SCYL3: variants seen among roughly 807,000 people sequenced by gnomAD.
The protein encoded by SCYL3 is SCY1 like pseudokinase 3.
SCYL3 carries 35 observed loss-of-function variants against 73.8 expected under a neutral mutation model. The ratio of observed to expected loss-of-function variants is 0.47; its 90% CI spans 0.36 to 0.63. The LOEUF is 0.63. Ranked by LOEUF, SCYL3 falls within the 20% of genes least tolerant of loss-of-function variation. The probability of loss-of-function intolerance (pLI) is 0.00; values close to 1 mark genes in which losing one functional copy is unlikely to be tolerated. For synonymous variants in SCYL3, 277 were observed against 295.2 expected, an observed-to-expected ratio of 0.94 and a Z score of 0.63; for missense variants, 712 against 798.9, an observed-to-expected ratio of 0.89 and a Z score of 1.31.
intron 6 of SCYL3, among the ~76,000 whole-genome samples, chr1:169,869,625 G>A (rs1660256772): frequency 6.6e-6 from 1 of 152,160 alleles, no homozygotes; most frequent in South Asian, 2.1e-4. Flanking sequence ...GGCCAATAAG[G>A]GGCCTACTGT....
intron 9 of SCYL3, among the ~76,000 whole-genome samples, chr1:169,863,011 C>T (rs572433872): frequency 6.6e-6 from 1 of 152,228 alleles, no homozygotes; most frequent in East Asian, 1.9e-4. Context: ...CTCCCAGGTT[C>T]AAGCAATTCT....
At chr1:169,880,955 T>A (rs1661201855) in intron 2 of SCYL3, among the ~76,000 whole-genome samples, 1 of 152,106 alleles carries the variant, frequency 6.6e-6, no homozygotes, top group Non-Finnish European at 1.5e-5. Context: ...AGAGACAGGG[T>A]TTCACCATGT....
intron 3 of SCYL3, among the ~76,000 whole-genome samples, chr1:169,877,619 A>G (rs926550243): frequency 2.6e-5 from 4 of 152,244 alleles, no homozygotes; most frequent in African/African-American, 9.6e-5. Context: ...TACACACTAG[A>G]TATTTGTTTT....
intron 9 of SCYL3, 44 bp from the exon 10 acceptor site, chr1:169,862,841 A>G (rs376691644): frequency 1.9e-6 from 3 of 1,591,044 alleles, no homozygotes; most frequent in African/African-American, 2.7e-5. Context: ...ACAAATTTTC[A>G]TTTCAGTGAA....
Position 169,854,884 on chromosome 1 carries a change from A to G in SCYL3, c.1393T>C (p.Phe465Leu). The change falls in exon 12 of 13, where the codon TTC (phenylalanine) becomes CTC (leucine). Residue 465 changes from phenylalanine to leucine, a missense_variant. Around this residue, in one of 2 missense-constraint regions of SCYL3, gnomAD observed 370 missense variants for 350.8 expected, o/e 1.05. Coordinates refer to ENST00000367771, the MANE Select transcript of SCYL3 (RefSeq NM_020423.7). ...TCAGACTTTTTAGAACTTGATGGGA[A>G]GTTTTCACTGTCCTCCGAAGTATTT... ...VKNTSEDSENFPSSSKKSEEW... is the reference protein window; with the variant it reads ...VKNTSEDSENLPSSSKKSEEW... The G allele has an allele frequency of 6.2e-7, 1 of 1,613,972 alleles. No individual in the cohort carries two copies. The highest frequency in any genetic ancestry group is 8.5e-7 in the Non-Finnish European group (1 of 1,179,876).
intron 1 of SCYL3, among the ~76,000 whole-genome samples, chr1:169,889,484 C>T (rs1036109394): frequency 3.3e-5 from 5 of 151,920 alleles, no homozygotes; most frequent in Admixed American, 6.6e-5. Context: ...ATTGAAGAAA[C>T]ACAAATGACG....
intron 8 of SCYL3, among the ~76,000 whole-genome samples, chr1:169,865,929 C>T (rs1448052836): frequency 6.6e-6 from 1 of 152,170 alleles, no homozygotes; most frequent in African/African-American, 2.4e-5. Flanking sequence ...CCCAGGATTA[C>T]AATTTGGGCT....
At chr1:169,853,898 G>GTAAAA (rs780399830) in intron 12 of SCYL3, 126 bp from the exon 13 acceptor site, 9 of 1,021,744 alleles carry the variant, frequency 8.8e-6, no homozygotes, top group Admixed American at 2.2e-5. Context: ...CTCGTACTAA[G>GTAAAA]TAAAATAACT....
intron 8 of SCYL3, among the ~76,000 whole-genome samples, chr1:169,866,433 G>C (rs1318788991): frequency 6.6e-6 from 1 of 152,190 alleles, no homozygotes; most frequent in Non-Finnish European, 1.5e-5. Flanking sequence ...TTCAATGCCT[G>C]AAGTCCCCTA....
intron 2 of SCYL3, among the ~76,000 whole-genome samples, chr1:169,882,296 A>T (rs755907533): frequency 1.3e-5 from 2 of 152,208 alleles, no homozygotes; most frequent in Non-Finnish European, 2.9e-5. Context: ...CAGCAGTGCC[A>T]GCCCACCGGT....
chr1:169,888,048 T>C (rs1425629862), intron 2 of SCYL3, among the ~76,000 whole-genome samples: 1 of 152,248 alleles, frequency 6.6e-6, no homozygotes, highest in East Asian at 1.9e-4. Flanking sequence ...TTTTAGAAGA[T>C]GATATATCTG....
chr1:169,873,228 G>A (rs771255651), intron 5 of SCYL3, among the ~76,000 whole-genome samples: 58 of 152,146 alleles, frequency 3.8e-4, no homozygotes, highest in Non-Finnish European at 1.2e-4. Context: ...CACAAGACCT[G>A]ATGGTTTTAT....
At chr1:169,863,822 T>C (rs1659835211) in intron 9 of SCYL3, among the ~76,000 whole-genome samples, 1 of 152,194 alleles carries the variant, frequency 6.6e-6, no homozygotes, top group South Asian at 2.1e-4. Flanking sequence ...AGAAAATAAA[T>C]TCTGAAAGCA....
chr1:169,893,607 C>T (rs1662241985), intron 1 of SCYL3, among the ~76,000 whole-genome samples, 181 bp downstream of exon 1: 1 of 151,908 alleles, frequency 6.6e-6, no homozygotes, highest in African/African-American at 2.4e-5. Context: ...GGGGAGGCTG[C>T]TCCGAAGCTG....
At chr1:169,881,398 A>G (rs1340098999) in intron 2 of SCYL3, among the ~76,000 whole-genome samples, 1 of 152,226 alleles carries the variant, frequency 6.6e-6, no homozygotes, top group Non-Finnish European at 1.5e-5. Flanking sequence ...TGGGATATCC[A>G]TCACCTTAAA....
In SCYL3 at chr1:169,853,484, A is replaced by AAAGG; in HGVS notation, c.*225_*228dup. The AAAGG allele has an allele frequency of 2.0e-6, 1 of 491,430 alleles. No individual in the cohort carries two copies. Among genetic ancestry groups the AAAGG allele is most frequent in the Non-Finnish European group, 3.6e-6 (1 of 280,532 alleles). 30.4% of individuals were successfully genotyped at this position (491,430 alleles called of 1,614,324 possible). On this transcript the variant is annotated 3_prime_UTR_variant, in exon 13 of 13. Transcript: ENST00000367771. ...AGAAACTGGCCTCAGTCAAATGCAC[A>AAAGG]AAGGCTCTTCCTCCTGGAAACCAGT...
intron 5 of SCYL3, 27 bp downstream of exon 5, chr1:169,873,669 C>T: frequency 6.6e-7 from 1 of 1,516,922 alleles, no homozygotes; most frequent in Non-Finnish European, 9.0e-7. Context: ...AAGGCACCTT[C>T]ATTATATGTG....
chr1:169,866,183 AT>A (rs1660021823), intron 8 of SCYL3, among the ~76,000 whole-genome samples: 1 of 152,160 alleles, frequency 6.6e-6, no homozygotes, highest in Non-Finnish European at 1.5e-5. Flanking sequence ...TCTCTATTTC[AT>A]TTGGTGATAA....
In SCYL3 at chr1:169,851,629, T is replaced by C. The variant is rs1658354323; in HGVS notation, c.*2084A>G. 1 of 683,752 alleles carries C rather than the reference T, an allele frequency of 1.5e-6. No individual in the cohort carries two copies. The allele number at this position is 683,752 out of a possible 1,614,324, so 42.4% of individuals were successfully genotyped here. A position where few individuals can be genotyped will look rare whatever the true frequency, so the allele number is the denominator to read the frequency against. On this transcript the variant is annotated 3_prime_UTR_variant, in exon 13 of 13. Coordinates refer to ENST00000367771, the MANE Select transcript of SCYL3 (RefSeq NM_020423.7). ...AAAGACAACTCTATAACTAACTATT[T>C]TGTAAGGAAGAACACAGTAGAGTGA...
Sources: gnomAD v4.1 joint callset for allele counts (sites outside exome capture counted in the v4.1 genomes callset) on GRCh38, gnomAD v4.1.1 for gene constraint, gnomAD v4.1.1 regional missense constraint, MANE v1.5 for transcripts, NCBI Gene and HGNC (gene_info 2026-07-23, HGNC 2026-07-21) for gene names.